FHOD3: variants seen among roughly 807,000 people sequenced by gnomAD.
FHOD3 encodes the protein FH1/FH2 domain-containing protein 3.
Under a neutral mutation model 173.0 loss-of-function variants are expected in FHOD3, and 90 were observed. The observed-to-expected ratio is 0.52, with a 90% CI of 0.44 to 0.62. FHOD3 has a LOEUF of 0.62. Ranked by LOEUF, FHOD3 falls within the 20% of genes least tolerant of loss-of-function variation. FHOD3 has a pLI of 0.00. For synonymous variants in FHOD3, 828 were observed against 823.0 expected, an observed-to-expected ratio of 1.01 and a Z score of -0.10; for missense variants, 1,945 against 2,034.7, an observed-to-expected ratio of 0.96 and a Z score of 0.85.
At chr18:36,638,071 A>T (rs553240000) in intron 10 of FHOD3, among the ~76,000 whole-genome samples, 1 of 152,206 alleles carries the variant, frequency 6.6e-6, no homozygotes, top group Admixed American at 6.5e-5. Context: ...CTTAACTGTT[A>T]TCAGTAGTAG....
chr18:36,458,793 T>C (rs2052378715), intron 3 of FHOD3, among the ~76,000 whole-genome samples: 1 of 151,952 alleles, frequency 6.6e-6, no homozygotes, highest in Middle Eastern at 3.2e-3. Flanking sequence ...ACCTCCCTTT[T>C]CTTTTAATTT....
chr18:36,611,634 C>T (rs1167192637), intron 8 of FHOD3, among the ~76,000 whole-genome samples: 2 of 152,222 alleles, frequency 1.3e-5, no homozygotes, highest in Non-Finnish European at 2.9e-5. Flanking sequence ...TTTGGACCTT[C>T]ATTACATCTG....
At chr18:36,344,402 C>A (rs1038897083) in intron 1 of FHOD3, among the ~76,000 whole-genome samples, 1 of 151,864 alleles carries the variant, frequency 6.6e-6, no homozygotes, top group Non-Finnish European at 1.5e-5. Context: ...CATAATGAAA[C>A]CTTGTCTCAA....
At chr18:36,403,211 C>T (rs1051963476) in intron 3 of FHOD3, among the ~76,000 whole-genome samples, 4 of 152,150 alleles carry the variant, frequency 2.6e-5, no homozygotes, top group Non-Finnish European at 2.9e-5. Context: ...AGGGGGCTGG[C>T]CTAGGGTGTG....
intron 8 of FHOD3, among the ~76,000 whole-genome samples, chr18:36,604,057 C>G (rs914165763): frequency 6.6e-6 from 1 of 152,114 alleles, no homozygotes; most frequent in African/African-American, 2.4e-5. Flanking sequence ...AGTCTTGGTC[C>G]TTGGTGCTCT....
At chr18:36,700,977 G>T (rs1457505457) in intron 17 of FHOD3, among the ~76,000 whole-genome samples, 1 of 152,212 alleles carries the variant, frequency 6.6e-6, no homozygotes, top group Non-Finnish European at 1.5e-5. Flanking sequence ...CTTGTGCACA[G>T]TTGGGATGCA....
chr18:36,677,551 TTCTA>T (rs1336296135), intron 14 of FHOD3, among the ~76,000 whole-genome samples: 1 of 152,220 alleles, frequency 6.6e-6, no homozygotes, highest in Non-Finnish European at 1.5e-5. Context: ...TGAATCAGGA[TTCTA>T]TCTGTGTATG....
chr18:36,594,651 A>G (rs2148355979), intron 6 of FHOD3, 136 bp from the exon 7 acceptor site: 2 of 616,474 alleles, frequency 3.2e-6, no homozygotes, highest in Middle Eastern at 4.4e-4. Flanking sequence ...GATTGTGAGG[A>G]TCTGTGAAGG....
rs191987794 is a variant in FHOD3, at chr18:36,391,709, C to A, written c.337+18965C>A. Reference sequence around the variant, plus strand: ...GGCCTCAGGTGACTCTTGTAAAGGGCATGGTTGGTCATCGTGTGCACACCT... The same window carrying A: ...GGCCTCAGGTGACTCTTGTAAAGGGAATGGTTGGTCATCGTGTGCACACCT... On this transcript the variant is annotated intron_variant, in intron 3 of 28. Coordinates refer to ENST00000590592, the MANE Select transcript of FHOD3 (RefSeq NM_001281740.3). Among the ~76,000 whole-genome samples, 87 of 152,230 alleles carry A rather than the reference C, an allele frequency of 5.7e-4. 1 individual carries two copies. Among genetic ancestry groups the A allele is most frequent in the African/African-American group, 2.0e-3 (84 of 41,528 alleles).
intron 3 of FHOD3, among the ~76,000 whole-genome samples, chr18:36,415,128 C>G (rs748467791): frequency 6.6e-6 from 1 of 152,106 alleles, no homozygotes. Context: ...AGGCCTCTGT[C>G]GAGTGCCCAT....
chr18:36,370,999 T>C (rs561197460), intron 2 of FHOD3, among the ~76,000 whole-genome samples: 1 of 152,348 alleles, frequency 6.6e-6, no homozygotes, highest in Non-Finnish European at 1.5e-5. Context: ...TGAGAGTTTT[T>C]TGTGGAGAAT....
chr18:36,706,535 G>A (rs990527754), intron 17 of FHOD3, among the ~76,000 whole-genome samples: 3 of 152,216 alleles, frequency 2.0e-5, no homozygotes, highest in African/African-American at 7.2e-5. Flanking sequence ...TCGCGTGTCT[G>A]TTAGCACACC....
At chr18:36,441,562 TG>T (rs2143787372) in intron 3 of FHOD3, among the ~76,000 whole-genome samples, 1 of 152,324 alleles carries the variant, frequency 6.6e-6, no homozygotes, top group East Asian at 1.9e-4. Context: ...GCTGTTGTAG[TG>T]GGCAGAGTCC....
At chr18:36,569,010 A>G (rs969674204) in intron 5 of FHOD3, among the ~76,000 whole-genome samples, 1 of 152,186 alleles carries the variant, frequency 6.6e-6, no homozygotes, top group Non-Finnish European at 1.5e-5. Flanking sequence ...AATAGAATAT[A>G]TAGAGAACCC....
chr18:36,351,410 GC>G (rs2046122404), intron 1 of FHOD3, among the ~76,000 whole-genome samples: 1 of 152,156 alleles, frequency 6.6e-6, no homozygotes, highest in African/African-American at 2.4e-5. Flanking sequence ...GCTAACGATA[GC>G]AGAAGGGATA....
At chr18:36,552,591 C>T (rs574650525) in intron 5 of FHOD3, among the ~76,000 whole-genome samples, 2 of 151,838 alleles carry the variant, frequency 1.3e-5, no homozygotes, top group South Asian at 4.2e-4. Context: ...CTCCGCCTCC[C>T]AGGTTCATGC....
intron 2 of FHOD3, among the ~76,000 whole-genome samples, chr18:36,356,432 C>G (rs1490590403): frequency 6.6e-6 from 1 of 152,160 alleles, no homozygotes; most frequent in Non-Finnish European, 1.5e-5. Context: ...AGCAGCCATT[C>G]TTATATTTAT....
chr18:36,550,266 A>ATG (rs2057594545), intron 5 of FHOD3, among the ~76,000 whole-genome samples: 1 of 147,164 alleles, frequency 6.8e-6, no homozygotes, highest in East Asian at 2.0e-4. Flanking sequence ...ATATATATAT[A>ATG]TGGGTCTGTT....
chr18:36,671,140 G>T (rs539359480), intron 14 of FHOD3, among the ~76,000 whole-genome samples: 1 of 152,354 alleles, frequency 6.6e-6, no homozygotes, highest in East Asian at 1.9e-4. Context: ...ACCTTCTGCA[G>T]ATGTACAGAG....
Sources: gnomAD v4.1 joint callset for allele counts (sites outside exome capture counted in the v4.1 genomes callset) on GRCh38, gnomAD v4.1.1 for gene constraint, MANE v1.5 for transcripts, NCBI Gene and HGNC (gene_info 2026-07-23, HGNC 2026-07-21) for gene names.